The following KDM5A variants were observed in gnomAD, a reference collection of about 807,000 sequenced individuals.
KDM5A encodes lysine demethylase 5A, also known as lysine-specific demethylase 5A.
KDM5A carries 42 observed loss-of-function variants against 193.5 expected under a neutral mutation model. The ratio of observed to expected loss-of-function variants is 0.22; its 90% confidence interval spans 0.17 to 0.28. The LOEUF (loss-of-function observed/expected upper bound fraction) is 0.28. Ranked by LOEUF, KDM5A falls within the 10% of genes least tolerant of loss-of-function variation. KDM5A has a pLI of 1.00. For synonymous variants in KDM5A, 796 were observed against 718.1 expected, an observed-to-expected ratio of 1.11 and a Z score of -1.73; for missense variants, 1,692 against 2,055.1, an observed-to-expected ratio of 0.82 and a Z score of 3.42.
At chr12:375,323 G>C (rs1250049306) in intron 3 of KDM5A, among the ~76,000 whole-genome samples, 4 of 151,940 alleles carry the variant, frequency 2.6e-5, no homozygotes, top group Non-Finnish European at 5.9e-5. Flanking sequence ...TCATTAATTT[G>C]ATCTTCAATC....
intron 15 of KDM5A, 37 bp from the exon 16 acceptor site, chr12:323,243 A>AAAAAAAAAAAAAAAAAAC: frequency 1.3e-6 from 2 of 1,499,030 alleles, no homozygotes; most frequent in Non-Finnish European, 1.8e-6. Context: ...AAAAAAAGAA[A>AAAAAAAAAAAAAAAAAAC]ACAGAAATAA....
At chr12:321,227 G>T in intron 17 of KDM5A, 118 bp from the exon 18 acceptor site, 1 of 743,050 alleles carries the variant, frequency 1.3e-6, no homozygotes, top group Non-Finnish European at 2.4e-6. Flanking sequence ...AGTGTTTGAA[G>T]GATAACACCA....
Position 323,210 on chromosome 12 carries a change from CAAAAAAAAAA to C in KDM5A, c.2151-14_2151-5del, listed in dbSNP as rs60377454. On this transcript the variant is annotated splice_polypyrimidine_tract_variant and splice_region_variant and intron_variant, in intron 15 of 27. Transcript: ENST00000399788. Reference sequence around the variant, plus strand: ...GTCTTCTAATGGGTAGCGATATCTACAAAAAAAAAAAAAAAAAAAAAAAAAAAAAGAAAAC... The same window carrying C: ...GTCTTCTAATGGGTAGCGATATCTACAAAAAAAAAAAAAAAAAAAGAAAAC... 1.7e-3 allele frequency: 505 copies of C among 297,050 alleles called. No individual in the cohort carries two copies. Among genetic ancestry groups the C allele is most frequent in the African/African-American group, 9.3e-3 (135 of 14,504 alleles). 18.4% of individuals were successfully genotyped at this position (297,050 alleles called of 1,614,324 possible). A position where few individuals can be genotyped will look rare whatever the true frequency, so the allele number is the denominator to read the frequency against.
In KDM5A at chr12:356,518, C is replaced by T; in HGVS notation, c.692G>A (p.Ser231Asn). The T allele has an allele frequency of 1.2e-6, 2 of 1,611,526 alleles. No homozygotes were observed. The highest frequency in any genetic ancestry group is 1.7e-5 in the Admixed American group (1 of 60,026). ...AAGTTTCTTCAGTTCCGTGTTTCTA[C>T]TCACATCTCCAGATTCTGACTAAAA... ...VKTQSESGDV[S>N]RNTELKKLQI... The change falls in exon 6 of 28, where the codon AGT (serine) becomes AAT (asparagine). Residue 231 changes from serine to asparagine, a missense_variant. Coordinates refer to ENST00000399788, the MANE Select transcript of KDM5A (RefSeq NM_001042603.3).
intron 27 of KDM5A, among the ~76,000 whole-genome samples, chr12:290,868 T>C (rs553351205): frequency 4.9e-4 from 75 of 152,280 alleles, no homozygotes; most frequent in Non-Finnish European, 9.1e-4. Flanking sequence ...AGGCTCATGA[T>C]AGATGTAAAC....
chr12:319,018 G>A (rs1943683836), intron 18 of KDM5A, among the ~76,000 whole-genome samples: 2 of 152,178 alleles, frequency 1.3e-5, no homozygotes, highest in African/African-American at 2.4e-5. Context: ...AATTGCAAAC[G>A]CTTTTAAAGA....
intron 24 of KDM5A, among the ~76,000 whole-genome samples, chr12:300,764 C>T (rs577197802): frequency 6.6e-6 from 1 of 152,008 alleles, no homozygotes; most frequent in East Asian, 1.9e-4. Flanking sequence ...AAAAGATCAA[C>T]AAAATAGATA....
intron 11 of KDM5A, 117 bp downstream of exon 11, chr12:334,124 A>C: frequency 1.0e-6 from 1 of 970,100 alleles, no homozygotes; most frequent in Non-Finnish European, 1.6e-6. Context: ...AAGGCTAGAA[A>C]TTATTGAAAC....
chr12:297,540 T>A (rs572594252), intron 24 of KDM5A, among the ~76,000 whole-genome samples: 98 of 152,302 alleles, frequency 6.4e-4, no homozygotes, highest in African/African-American at 2.1e-3. Flanking sequence ...TCACCCGGGT[T>A]TTCTAAGACC....
chr12:374,094 G>T (rs928232358), intron 3 of KDM5A, among the ~76,000 whole-genome samples: 10 of 152,162 alleles, frequency 6.6e-5, no homozygotes, highest in African/African-American at 7.2e-5. Context: ...ATGTCTATTA[G>T]ATCTGCTTGG....
intron 19 of KDM5A, among the ~76,000 whole-genome samples, 153 bp downstream of exon 19, chr12:317,953 C>G (rs117898521): frequency 3.5e-4 from 54 of 152,258 alleles, no homozygotes; most frequent in Non-Finnish European, 5.7e-4. Context: ...ACCTTTCCCA[C>G]CTACACAACT....
intron 3 of KDM5A, among the ~76,000 whole-genome samples, chr12:374,273 G>A (rs1412932123): frequency 6.6e-6 from 1 of 152,094 alleles, no homozygotes; most frequent in African/African-American, 2.4e-5. Flanking sequence ...TCCTGTATTG[G>A]GTGCATATAT....
At chr12:354,764 C>A (rs377058789) in intron 7 of KDM5A, among the ~76,000 whole-genome samples, 4 of 148,934 alleles carry the variant, frequency 2.7e-5, no homozygotes, top group Non-Finnish European at 4.5e-5. Context: ...GACTCCGTCT[C>A]AAAAAAAAAA....
chr12:315,519 G>A (rs1360280089), intron 19 of KDM5A, among the ~76,000 whole-genome samples: 2 of 152,122 alleles, frequency 1.3e-5, no homozygotes, highest in Non-Finnish European at 2.9e-5. Flanking sequence ...ACGTTGCCAT[G>A]AGCCAAAATG....
At chr12:350,843 A>G in intron 9 of KDM5A, 64 bp from the exon 10 acceptor site, 1 of 1,398,060 alleles carries the variant, frequency 7.2e-7, no homozygotes, top group East Asian at 2.3e-5. Flanking sequence ...ATATAACATA[A>G]TACACAGGAT....
At chr12:365,817 A>T in intron 4 of KDM5A, 117 bp downstream of exon 4, 1 of 838,664 alleles carries the variant, frequency 1.2e-6, no homozygotes, top group African/African-American at 1.7e-5. Flanking sequence ...ACACTATGAT[A>T]TACACTTTGC....
intron 24 of KDM5A, among the ~76,000 whole-genome samples, chr12:303,265 A>C (rs1370962895): frequency 6.6e-6 from 1 of 152,234 alleles, no homozygotes; most frequent in Non-Finnish European, 1.5e-5. Context: ...ACCAGCCCAA[A>C]TGCCCACCAA....
At chr12:382,960 G>A (rs1591943484) in intron 3 of KDM5A, among the ~76,000 whole-genome samples, 1 of 151,478 alleles carries the variant, frequency 6.6e-6, no homozygotes, top group South Asian at 2.1e-4. Flanking sequence ...CATATCTCAA[G>A]GTTATTATAA....
intron 24 of KDM5A, among the ~76,000 whole-genome samples, chr12:298,698 G>C (rs936430927): frequency 6.6e-6 from 1 of 152,094 alleles, no homozygotes; most frequent in Non-Finnish European, 1.5e-5. Context: ...TGGTGAATGA[G>C]TTTGATGAAT....
Sources: gnomAD v4.1 joint callset for allele counts (sites outside exome capture counted in the v4.1 genomes callset) on GRCh38, gnomAD v4.1.1 for gene constraint, MANE v1.5 for transcripts, NCBI Gene and HGNC (gene_info 2026-07-23, HGNC 2026-07-21) for gene names.